Variants in PKIG observed in about 807,000 individuals in gnomAD.
PKIG encodes the protein protein kinase (cAMP-dependent, catalytic) inhibitor gamma.
A neutral mutation model predicts 6.8 loss-of-function variants in PKIG; 1 was observed. That is an observed-to-expected ratio of 0.15 (90% CI 0.05 to 0.69). The LOEUF (loss-of-function observed/expected upper bound fraction) is 0.69. Among genes scored for constraint, PKIG ranks in the 30% least tolerant of loss-of-function variants. The pLI, the probability that PKIG is intolerant of heterozygous loss-of-function variation, is 0.82. For synonymous variants in PKIG, 39 were observed against 43.0 expected (o/e 0.91, Z 0.36); for missense variants, 77 against 104.0 (o/e 0.74, Z 1.13).
In PKIG at chr20:44,614,566, G is replaced by A; in HGVS notation, c.10G>A (p.Val4Ile). The part of the protein sequence containing the change: MME[V>I]ESSYSDFISC... ...GAGCGATGCGACAGGCATGATGGAG[G>A]TCGAGTCCTCCTACTCGGACTTCAT... The change falls in exon 3 of 4, where the codon GTC (valine) becomes ATC (isoleucine). Residue 4 changes from valine to isoleucine, a missense_variant. Transcript: ENST00000372886. The surrounding 1 kb of genome is among the most constrained non-coding windows in gnomAD (Gnocchi z 4.6). 1 of 1,614,080 alleles carries A rather than the reference G, an allele frequency of 6.2e-7. No individual in the cohort carries two copies. The highest frequency in any genetic ancestry group is 8.5e-7 in the Non-Finnish European group (1 of 1,180,006).
rs200397110 is a variant in PKIG, at chr20:44,614,730, C to T, written c.151+23C>T. 17 of 1,612,516 alleles carry T rather than the reference C, an allele frequency of 1.1e-5. No individual in the cohort carries two copies. Among genetic ancestry groups the T allele is most frequent in the Non-Finnish European group, 1.4e-5 (17 of 1,179,574 alleles). ...CAGGTTAGAGCCAGCAGGTCCTTGG[C>T]ACTACTGCATGCCAGAGGCCCTCTG... is the stretch of plus-strand genomic sequence containing the variant. On this transcript the variant is annotated intron_variant, in intron 3 of 3. Transcript: ENST00000372886. This position sits in a 1 kb window ranked among gnomAD's most constrained non-coding sequence, Gnocchi z 4.6.
At chr20:44,612,192 C>A (rs1364117600) in intron 2 of PKIG, among the ~76,000 whole-genome samples, 2 of 152,220 alleles carry the variant, frequency 1.3e-5, no homozygotes, top group Non-Finnish European at 2.9e-5. Flanking sequence ...ACCCTCCATA[C>A]TGTTTTCCAT....
chr20:44,617,061 T>A (rs2065271680), intron 3 of PKIG, among the ~76,000 whole-genome samples: 2 of 152,202 alleles, frequency 1.3e-5, no homozygotes, highest in Admixed American at 1.3e-4. Context: ...GCAAATCAGC[T>A]CACCTCGCTG....
At chr20:44,585,585 G>A (rs924694902) in intron 1 of PKIG, among the ~76,000 whole-genome samples, 1 of 152,260 alleles carries the variant, frequency 6.6e-6, no homozygotes, top group Non-Finnish European at 1.5e-5. Context: ...ATGAGAACTG[G>A]TTGTCCCCGA....
At chr20:44,606,318 T>C (rs1389833351) in intron 2 of PKIG, among the ~76,000 whole-genome samples, 1 of 152,088 alleles carries the variant, frequency 6.6e-6, no homozygotes, top group African/African-American at 2.4e-5. Flanking sequence ...AAAACCACCT[T>C]TTAGATTAGG....
chr20:44,546,826 T>C (rs1396965443), intron 1 of PKIG, among the ~76,000 whole-genome samples: 1 of 152,120 alleles, frequency 6.6e-6, no homozygotes, highest in Non-Finnish European at 1.5e-5. Context: ...AGTGCTGGGA[T>C]TACAGATATG....
chr20:44,580,285 C>T (rs2064936421), upstream of PKIG, among the ~76,000 whole-genome samples: 1 of 152,080 alleles, frequency 6.6e-6, no homozygotes, highest in Non-Finnish European at 1.5e-5. Context: ...TCTCTCTGAG[C>T]TGTGAACGGC....
chr20:44,574,361 A>G lies in PKIG; in HGVS notation c.-240-8224A>G, dbSNP rs542774876. On this transcript the variant is annotated intron_variant, in intron 1 of 4. Coordinates refer to the PKIG transcript ENST00000372887. ...TCGAGATATGGTTTTTTTTAACTGT[A>G]TTACAGAAATTTTGAAACATGTACA... 2.0e-5 allele frequency among the ~76,000 whole-genome samples: 3 copies of G among 151,898 alleles called. No individual in the cohort carries two copies. In the South Asian group the frequency reaches 6.2e-4, roughly 32 times the overall value.
upstream of PKIG, among the ~76,000 whole-genome samples, chr20:44,579,210 T>C (rs566601325): frequency 6.6e-6 from 1 of 152,294 alleles, no homozygotes; most frequent in South Asian, 2.1e-4. Context: ...ACTAAATATG[T>C]GTCATCAGAG....
chr20:44,615,829 A>T (rs2065259745), intron 3 of PKIG, among the ~76,000 whole-genome samples: 1 of 152,146 alleles, frequency 6.6e-6, no homozygotes, highest in African/African-American at 2.4e-5. Context: ...CTCATGTTAC[A>T]GATGGACAAA....
chr20:44,614,240 C>A lies in PKIG; in HGVS notation c.-23-294C>A. 7.6e-6 allele frequency: 2 copies of A among 263,568 alleles called. No homozygotes were observed. Among genetic ancestry groups the A allele is most frequent in the South Asian group, 9.1e-5 (2 of 22,092 alleles). The allele number at this position is 263,568 out of a possible 1,614,324, so 16.3% of individuals were successfully genotyped here. On this transcript the variant is annotated intron_variant, in intron 2 of 3. Transcript: ENST00000372886. This position sits in a 1 kb window ranked among gnomAD's most constrained non-coding sequence, Gnocchi z 4.6. ...ATGGCCAGTTTGTTCATGGTGGTAT[C>A]TGTGCCAGTGCCTGGCGCATGGTAT... is the stretch of plus-strand genomic sequence containing the variant.
intron 1 of PKIG, among the ~76,000 whole-genome samples, chr20:44,556,328 G>C (rs531525674): frequency 6.6e-6 from 1 of 152,246 alleles, no homozygotes; most frequent in East Asian, 1.9e-4. Context: ...AGCCATAATA[G>C]TGTCTTTTGG....
At chr20:44,568,474 T>C (rs1250602305) in intron 1 of PKIG, among the ~76,000 whole-genome samples, 2 of 148,902 alleles carry the variant, frequency 1.3e-5, no homozygotes, top group Non-Finnish European at 3.0e-5. Context: ...AAGTGAGACT[T>C]TTTTTTTTTT....
upstream of PKIG, among the ~76,000 whole-genome samples, chr20:44,580,563 G>A (rs528942197): frequency 1.2e-3 from 187 of 152,020 alleles, no homozygotes; most frequent in Non-Finnish European, 2.0e-3. Flanking sequence ...GCCCAAGCTG[G>A]TCTCAAACTC....
intron 1 of PKIG, among the ~76,000 whole-genome samples, chr20:44,566,061 C>T (rs1290851636): frequency 1.3e-5 from 2 of 152,052 alleles, no homozygotes; most frequent in Non-Finnish European, 2.9e-5. Context: ...CACACCCAGC[C>T]AATAGGTGAT....
chr20:44,567,989 A>G (rs1474813420), intron 1 of PKIG, among the ~76,000 whole-genome samples: 1 of 152,182 alleles, frequency 6.6e-6, no homozygotes, highest in Non-Finnish European at 1.5e-5. Flanking sequence ...CACAAAAAAA[A>G]TACAAAATGA....
In PKIG at chr20:44,614,010, C is replaced by T. The variant is rs2065241898; in HGVS notation, c.-23-524C>T. Among the ~76,000 whole-genome samples the T allele has an allele frequency of 2.0e-5, 3 of 152,192 alleles. No homozygotes were observed. The highest frequency in any genetic ancestry group is 2.0e-4 in the Admixed American group (3 of 15,280). On this transcript the variant is annotated intron_variant, in intron 2 of 3. Coordinates refer to ENST00000372886, the MANE Select transcript of PKIG (RefSeq NM_001281445.2). The surrounding 1 kb of genome is among the most constrained non-coding windows in gnomAD (Gnocchi z 4.6). Reference sequence around the variant, plus strand: ...TTCCCCTCTCTGTAGTGCTCTTCCCCTCACTCTTCATCTGCATGACGCCTC... The same window carrying T: ...TTCCCCTCTCTGTAGTGCTCTTCCCTTCACTCTTCATCTGCATGACGCCTC...
At chr20:44,534,889 G>A (rs1354163288) in intron 1 of PKIG, among the ~76,000 whole-genome samples, 1 of 152,138 alleles carries the variant, frequency 6.6e-6, no homozygotes. Flanking sequence ...GGGTCACACA[G>A]TATTTGAATC....
intron 1 of PKIG, among the ~76,000 whole-genome samples, chr20:44,532,848 T>C (rs1327270055): frequency 6.6e-6 from 1 of 152,108 alleles, no homozygotes; most frequent in African/African-American, 2.4e-5. Context: ...GAGAAAAGCC[T>C]TGGGGAGAGA....
Sources: allele counts gnomAD v4.1 joint callset (sites outside exome capture counted in the v4.1 genomes callset), GRCh38; gene constraint gnomAD v4.1.1; non-coding constraint Gnocchi (gnomAD v3.1); transcripts MANE v1.5; gene names NCBI Gene and HGNC (gene_info 2026-07-23, HGNC 2026-07-21).